Variants in COG5 observed in about 807,000 individuals in gnomAD.
The protein encoded by COG5 is component of oligomeric golgi complex 5, also known as conserved oligomeric Golgi complex subunit 5.
In COG5, 86 loss-of-function variants were observed where a neutral mutation model predicts 110.4. That is an observed-to-expected ratio of 0.78 (90% CI 0.65 to 0.93). The LOEUF is 0.93. Among genes scored for constraint, COG5 ranks in the 40% least tolerant of loss-of-function variants. The pLI is 0.00. For synonymous variants in COG5, 360 were observed against 334.6 expected (o/e 1.08, Z -0.83); for missense variants, 1,077 against 987.0 (o/e 1.09, Z -1.22).
chr7:107,203,398 C>G lies in COG5; in HGVS notation c.*118G>C. On this transcript the variant is annotated 3_prime_UTR_variant, in exon 22 of 22. Transcript: ENST00000297135. ...GGTAAATAAACGTCGATAGGAAATA[C>G]CGAACAATCAATTACATTCTTAAAA... 1 of 762,662 alleles carries G rather than the reference C, an allele frequency of 1.3e-6. No individual in the cohort carries two copies. Among genetic ancestry groups the G allele is most frequent in the Non-Finnish European group, 2.3e-6 (1 of 426,190 alleles). The allele number at this position is 762,662 out of a possible 1,614,324, so 47.2% of individuals were successfully genotyped here.
rs868121936 is a variant in COG5, at chr7:107,288,907, G to T, written c.1314-5175C>A. 2.8e-3 allele frequency among the ~76,000 whole-genome samples: 262 copies of T among 94,004 alleles called. 7 individuals are homozygous for T. Among genetic ancestry groups the T allele is most frequent in the African/African-American group, 8.5e-3 (235 of 27,552 alleles). 61.7% of individuals were successfully genotyped at this position (94,004 alleles called of 152,430 possible). A position where few individuals can be genotyped will look rare whatever the true frequency, so the allele number is the denominator to read the frequency against. On this transcript the variant is annotated intron_variant, in intron 12 of 21. Coordinates refer to ENST00000297135, the MANE Select transcript of COG5 (RefSeq NM_006348.5). ...ATTTGCCCCTATGTTTTCTAACAGA[G>T]ATATATATATATATATATATATATA...
intron 7 of COG5, among the ~76,000 whole-genome samples, chr7:107,386,068 T>A (rs972786836): frequency 5.9e-5 from 9 of 151,470 alleles, no homozygotes; most frequent in Non-Finnish European, 8.8e-5. Flanking sequence ...GGAAAAACTG[T>A]AAAATAAACC....
At chr7:107,551,337 T>C (rs1025928837) in intron 3 of COG5, among the ~76,000 whole-genome samples, 1 of 152,232 alleles carries the variant, frequency 6.6e-6, no homozygotes, top group Admixed American at 6.5e-5. Flanking sequence ...TCTATTGCTA[T>C]AGCTTTCTGA....
chr7:107,560,208 C>T (rs1803667314), intron 1 of COG5, among the ~76,000 whole-genome samples: 1 of 152,140 alleles, frequency 6.6e-6, no homozygotes, highest in African/African-American at 2.4e-5. Context: ...CCATGGTAAT[C>T]AGCAAACACT....
chr7:107,261,258 T>G (rs1584587894), intron 14 of COG5, among the ~76,000 whole-genome samples: 1 of 152,262 alleles, frequency 6.6e-6, no homozygotes, highest in African/African-American at 2.4e-5. Context: ...ATACTGTATG[T>G]TCTCTATCTG....
intron 6 of COG5, chr7:107,475,128 T>G: frequency 6.2e-7 from 1 of 1,610,544 alleles, no homozygotes. Flanking sequence ...TAGTCATGGC[T>G]TATGGAACAA....
rs563904689 is a variant in COG5, at chr7:107,465,996, G to A, written c.539-53364C>T. On this transcript the variant is annotated intron_variant, in intron 6 of 21. Transcript: ENST00000297135. ...AGTTGATCAATGGACTTGGCCTCAG[G>A]ACACAAAATTAATTTGATTCTGCAT... is the stretch of plus-strand genomic sequence containing the variant. 5.9e-5 allele frequency among the ~76,000 whole-genome samples: 9 copies of A among 152,140 alleles called. 2 individuals carry two copies. Among genetic ancestry groups the A allele is most frequent in the African/African-American group, 2.2e-4 (9 of 41,502 alleles).
chr7:107,476,184 T>TAAAAAAAAAAAAA (rs34741713), intron 6 of COG5, among the ~76,000 whole-genome samples: 8 of 44,058 alleles, frequency 1.8e-4, no homozygotes, highest in African/African-American at 2.0e-4. Flanking sequence ...GCAATGATTT[T>TAAAAAAAAAAAAA]AAAAAAAAAA....
chr7:107,400,183 G>A (rs953790830), intron 7 of COG5, among the ~76,000 whole-genome samples: 5 of 152,022 alleles, frequency 3.3e-5, no homozygotes, highest in Non-Finnish European at 5.9e-5. Flanking sequence ...ATAGGTGAAC[G>A]TATAAAGATA....
intron 6 of COG5, among the ~76,000 whole-genome samples, chr7:107,414,369 G>A (rs1056263719): frequency 1.3e-5 from 2 of 151,988 alleles, no homozygotes; most frequent in Non-Finnish European, 2.9e-5. Flanking sequence ...TAATCTATTT[G>A]AATTTAATGT....
Position 107,563,815 on chromosome 7 carries a change from GT to G in COG5, c.81del (p.Glu27AspfsTer12), listed in dbSNP as rs777937112. The G allele has an allele frequency of 4.3e-6, 7 of 1,613,920 alleles. No homozygotes were observed. The highest frequency in any genetic ancestry group is 5.1e-6 in the Non-Finnish European group (6 of 1,179,908). ...CCCGTCTCCTTACCGTCCTGCAGAAGTTCCCGGACTGTAGCTGCAGCCGCTC... is the reference window on the plus strand; with the variant it reads ...CCCGTCTCCTTACCGTCCTGCAGAAGTCCCGGACTGTAGCTGCAGCCGCTC... ...GSGAAAATVR[E>X]LLQDGCYSDF... On this transcript the variant is annotated frameshift_variant, in exon 1 of 22. Transcript: ENST00000297135. LOFTEE classifies it high-confidence loss of function.
chr7:107,294,881 TTGTGTGTGTG>T lies in COG5; in HGVS notation c.1313+3251_1313+3260del, dbSNP rs756358916. Among the ~76,000 whole-genome samples the T allele has an allele frequency of 6.7e-3, 634 of 94,252 alleles. 11 individuals carry two copies. The highest frequency in any genetic ancestry group is 0.019 in the African/African-American group (420 of 21,666). 61.8% of individuals were successfully genotyped at this position (94,252 alleles called of 152,430 possible). A position where few individuals can be genotyped will look rare whatever the true frequency, so the allele number is the denominator to read the frequency against. The stretch of plus-strand genomic sequence containing the variant: ...TAGGCATGTGCCACCATGCCTGGAT[TTGTGTGTGTG>T]TGTGTGTGTGTGTGTGTGTGTGTGT... On this transcript the variant is annotated intron_variant, in intron 12 of 21. Coordinates refer to ENST00000297135, the MANE Select transcript of COG5 (RefSeq NM_006348.5).
intron 6 of COG5, among the ~76,000 whole-genome samples, chr7:107,493,029 T>C (rs997852533): frequency 3.3e-5 from 5 of 152,108 alleles, no homozygotes; most frequent in African/African-American, 9.7e-5. Context: ...GTGGGGCCTT[T>C]TGGGAGATGT....
chr7:107,348,994 T>C (rs924754709), intron 10 of COG5, among the ~76,000 whole-genome samples: 10 of 152,260 alleles, frequency 6.6e-5, no homozygotes, highest in African/African-American at 1.9e-4. Flanking sequence ...GCTGAGTAGC[T>C]AGGATTACAC....
chr7:107,303,372 T>C (rs765266160), intron 11 of COG5, among the ~76,000 whole-genome samples: 12 of 152,154 alleles, frequency 7.9e-5, no homozygotes, highest in Non-Finnish European at 1.6e-4. Context: ...CAATTATATT[T>C]AAAGCTTACA....
At chr7:107,523,589 T>C (rs1481106193) in intron 6 of COG5, among the ~76,000 whole-genome samples, 1 of 151,724 alleles carries the variant, frequency 6.6e-6, no homozygotes, top group Non-Finnish European at 1.5e-5. Context: ...CCGAGAAGGG[T>C]GGATCACCTG....
At chr7:107,471,917 A>T (rs1329598609) in intron 6 of COG5, 1 of 152,052 alleles carries the variant, frequency 6.6e-6, no homozygotes, top group East Asian at 1.9e-4. Context: ...CTGGATTTAT[A>T]ATATAAAGCA....
intron 6 of COG5, among the ~76,000 whole-genome samples, chr7:107,499,931 C>T (rs1798533507): frequency 6.6e-6 from 1 of 152,166 alleles, no homozygotes; most frequent in Non-Finnish European, 1.5e-5. Flanking sequence ...CCAGATGAGT[C>T]GCATGTCCAC....
At chr7:107,295,038 T>TACACACACACAC (rs1249923848) in intron 12 of COG5, among the ~76,000 whole-genome samples, 4 of 53,378 alleles carry the variant, frequency 7.5e-5, no homozygotes, top group African/African-American at 2.1e-4. Context: ...CACACACATA[T>TACACACACACAC]ACACACACAC....
Sources: allele counts gnomAD v4.1 joint callset (sites outside exome capture counted in the v4.1 genomes callset), GRCh38; gene constraint gnomAD v4.1.1; transcripts MANE v1.5; gene names NCBI Gene and HGNC (gene_info 2026-07-23, HGNC 2026-07-21).